The following FBXO11 variants were observed in gnomAD, a reference collection of about 807,000 sequenced individuals.
The protein encoded by FBXO11 is F-box only protein 11.
A neutral mutation model predicts 117.0 loss-of-function variants in FBXO11; 13 were observed. That is an observed-to-expected ratio of 0.11 (90% CI 0.07 to 0.18). FBXO11 has a LOEUF of 0.18. FBXO11 is among the 10% of genes least tolerant of loss of function. The pLI is 1.00. For synonymous variants in FBXO11, 490 were observed against 380.5 expected (o/e 1.29, Z -3.35); for missense variants, 767 against 1,164.4 (o/e 0.66, Z 4.97).
intron 1 of FBXO11, among the ~76,000 whole-genome samples, chr2:47,885,695 AG>A (rs1269420183): frequency 6.6e-6 from 1 of 152,238 alleles, no homozygotes; most frequent in Non-Finnish European, 1.5e-5. Context: ...GGTAGAGTAA[AG>A]CCTTGAAGAG....
At chr2:47,844,688 T>G (rs181291508) in intron 1 of FBXO11, among the ~76,000 whole-genome samples, 79 of 152,350 alleles carry the variant, frequency 5.2e-4, no homozygotes, top group Non-Finnish European at 1.1e-3. Context: ...GGTCTCACTC[T>G]GTCACCCGGC....
intron 11 of FBXO11, among the ~76,000 whole-genome samples, chr2:47,824,975 G>A (rs542996240): frequency 2.0e-5 from 3 of 151,970 alleles, no homozygotes; most frequent in South Asian, 2.1e-4. Context: ...ATATTATTTC[G>A]ATATTTATAT....
rs989924263 is a variant in FBXO11 at position 47,819,505 on chromosome 2, C to T, written c.1798-427G>A. On this transcript the variant is annotated intron_variant, in intron 14 of 22. Coordinates refer to ENST00000403359, the MANE Select transcript of FBXO11 (RefSeq NM_001190274.2). ...CTGGGATTACAGGTGTGAGCCACCG[C>T]GCCCGGCCAACATTCTTTTTATGTA... is the stretch of plus-strand genomic sequence containing the variant. 3.9e-5 allele frequency among the ~76,000 whole-genome samples: 6 copies of T among 152,256 alleles called. No individual in the cohort carries two copies. In the South Asian group the frequency reaches 6.2e-4, roughly 16 times the overall value.
intron 1 of FBXO11, among the ~76,000 whole-genome samples, chr2:47,868,615 C>T (rs1675376265): frequency 6.6e-6 from 1 of 152,150 alleles, no homozygotes; most frequent in East Asian, 1.9e-4. Flanking sequence ...TTCCAGTTCC[C>T]CAACCATTGT....
At chr2:47,820,841 T>C (rs937306950) in intron 13 of FBXO11, among the ~76,000 whole-genome samples, 1 of 152,226 alleles carries the variant, frequency 6.6e-6, no homozygotes, top group Admixed American at 6.5e-5. Context: ...CAGGTTAAGA[T>C]GCTCCGCAGA....
Position 47,833,075 on chromosome 2 carries a change from G to A in FBXO11, c.935-5C>T. 1 of 1,587,594 alleles carries A rather than the reference G, an allele frequency of 6.3e-7. No homozygotes were observed. The highest frequency in any genetic ancestry group is 8.6e-7 in the Non-Finnish European group (1 of 1,157,022). ...TGTCTGCCACTTTCCCAGGTGCTGT[G>A]GAGAAGATATTTTAAAGAATATTAC... On this transcript the variant is annotated splice_region_variant and splice_polypyrimidine_tract_variant and intron_variant, in intron 7 of 22. Transcript: ENST00000403359.
At chr2:47,860,331 C>G (rs1187406962) in intron 1 of FBXO11, among the ~76,000 whole-genome samples, 1 of 151,950 alleles carries the variant, frequency 6.6e-6, no homozygotes, top group Admixed American at 6.6e-5. Flanking sequence ...CTATATTTCA[C>G]ATGGCTAGCT....
chr2:47,849,426 A>C (rs1447102986), intron 1 of FBXO11, among the ~76,000 whole-genome samples: 1 of 152,214 alleles, frequency 6.6e-6, no homozygotes, highest in African/African-American at 2.4e-5. Context: ...TTTTGCCACC[A>C]CAGGATCATT....
intron 1 of FBXO11, among the ~76,000 whole-genome samples, chr2:47,850,206 G>A (rs1673751345): frequency 6.6e-6 from 1 of 152,152 alleles, no homozygotes; most frequent in Admixed American, 6.5e-5. Flanking sequence ...ATACTGATTT[G>A]GGCAATCCAA....
rs751448178 is a variant in FBXO11 at position 47,820,419 on chromosome 2, A to G, written c.1740T>C (p.Ser580=). ...TTTTGTTATGCCGAACAATTGGACAACTGTTTGTCCTAATTTGAATTCCTG... is the reference window on the plus strand; with the variant it reads ...TTTTGTTATGCCGAACAATTGGACAGCTGTTTGTCCTAATTTGAATTCCTG... ...ALAGIQIRTN[S]CPIVRHNKIH... is the part of the protein sequence containing the mutation. The change falls in exon 14 of 23, where the codon AGT becomes AGC. Residue 580 remains serine, a synonymous_variant. Coordinates refer to ENST00000403359, the MANE Select transcript of FBXO11 (RefSeq NM_001190274.2). 6 of 1,613,868 alleles carry G rather than the reference A, an allele frequency of 3.7e-6. No homozygotes were observed. The Admixed American group carries it at 6.7e-5, about 18-fold the overall frequency.
chr2:47,899,390 ATACAATCCCT>A (rs1196082600), intron 1 of FBXO11, among the ~76,000 whole-genome samples: 5 of 152,034 alleles, frequency 3.3e-5, no homozygotes, highest in African/African-American at 1.2e-4. Context: ...TATACAGCTG[ATACAATCCCT>A]TACTTTTTAT....
intron 1 of FBXO11, among the ~76,000 whole-genome samples, chr2:47,875,073 A>G (rs1353058079): frequency 6.6e-6 from 1 of 152,046 alleles, no homozygotes; most frequent in Non-Finnish European, 1.5e-5. Flanking sequence ...GCTCAATTTC[A>G]CTATCATTAT....
intron 16 of FBXO11, chr2:47,814,404 G>C (rs959975927): frequency 2.1e-5 from 3 of 143,170 alleles, no homozygotes; most frequent in African/African-American, 7.9e-5. Context: ...AAGACATGGG[G>C]TCTTGCTCTG....
chr2:47,809,419 T>C (rs1433758690), intron 20 of FBXO11, 153 bp from the exon 21 acceptor site: 9 of 689,722 alleles, frequency 1.3e-5, no homozygotes, highest in East Asian at 5.6e-5. Context: ...CAGCTAAGAA[T>C]AGAATTTTCC....
At chr2:47,890,291 C>T (rs1677162920) in intron 1 of FBXO11, among the ~76,000 whole-genome samples, 1 of 152,058 alleles carries the variant, frequency 6.6e-6, no homozygotes, top group Non-Finnish European at 1.5e-5. Context: ...AACTGACTTC[C>T]TGATTATCAG....
chr2:47,859,921 CT>C, intron 1 of FBXO11, among the ~76,000 whole-genome samples: 1 of 152,230 alleles, frequency 6.6e-6, no homozygotes, highest in Non-Finnish European at 1.5e-5. Context: ...ATCCTAAATG[CT>C]TAGTTTGAGA....
intron 1 of FBXO11, chr2:47,865,853 C>A (rs1250040297): frequency 1.3e-5 from 2 of 151,970 alleles, no homozygotes; most frequent in Non-Finnish European, 2.9e-5. Flanking sequence ...GGTAAAATGG[C>A]AGAAAAATAT....
At chr2:47,903,148 A>C (rs1170160400) in intron 1 of FBXO11, among the ~76,000 whole-genome samples, 1 of 152,196 alleles carries the variant, frequency 6.6e-6, no homozygotes, top group African/African-American at 2.4e-5. Context: ...TTAAAATGTC[A>C]ATTTTTCAAA....
intron 13 of FBXO11, among the ~76,000 whole-genome samples, chr2:47,821,948 G>T (rs1164641102): frequency 6.6e-6 from 1 of 152,212 alleles, no homozygotes; most frequent in Middle Eastern, 3.4e-3. Context: ...AGTGGGGCAC[G>T]GTGGCACATG....
Sources: allele counts gnomAD v4.1 joint callset (sites outside exome capture counted in the v4.1 genomes callset), GRCh38; gene constraint gnomAD v4.1.1; transcripts MANE v1.5; gene names NCBI Gene and HGNC (gene_info 2026-07-23, HGNC 2026-07-21).